Variants in SYNE1 observed in about 807,000 individuals in gnomAD.
SYNE1 encodes the protein spectrin repeat containing nuclear envelope protein 1, also known as nesprin-1.
Under a neutral mutation model 1,111.0 loss-of-function variants are expected in SYNE1, and 616 were observed. The ratio of observed to expected loss-of-function variants is 0.55; its 90% CI spans 0.52 to 0.59. The LOEUF (loss-of-function observed/expected upper bound fraction) is 0.59. Among genes scored for constraint, SYNE1 ranks in the 20% least tolerant of loss-of-function variants. The pLI is 0.00. For missense variants in SYNE1, 10,006 were observed against 10,417.0 expected, an observed-to-expected ratio of 0.96 and a Z score of 1.72; for synonymous variants, 3,855 against 3,825.8, an observed-to-expected ratio of 1.01 and a Z score of -0.28.
chr6:152,331,014 T>C lies in SYNE1; in HGVS notation c.13671A>G (p.Leu4557=), dbSNP rs773804589. Residue 4557 remains leucine, a synonymous_variant, in exon 78 of 146, where the codon CTA becomes CTG. Transcript: ENST00000367255. ...GCTTCCTAGAAACCAAATTCTTCTCTAGTTCTTGTAACCGGTGACTGCACT... is the reference window on the plus strand; with the variant it reads ...GCTTCCTAGAAACCAAATTCTTCTCCAGTTCTTGTAACCGGTGACTGCACT... ...LQKCSHRLQE[L]EKNLVSRKHF... 6.8e-6 allele frequency: 11 copies of C among 1,614,064 alleles called. No homozygotes were observed. The highest frequency in any genetic ancestry group is 4.0e-5 in the African/African-American group (3 of 74,934).
intron 87 of SYNE1, among the ~76,000 whole-genome samples, chr6:152,311,787 C>G (rs1962703): frequency 6.7e-6 from 1 of 150,284 alleles, no homozygotes. Flanking sequence ...TTATTTATTT[C>G]TTTTTTGAGA....
intron 16 of SYNE1, among the ~76,000 whole-genome samples, chr6:152,467,968 A>G (rs566495123): frequency 1.7e-4 from 26 of 152,306 alleles, no homozygotes; most frequent in African/African-American, 6.3e-4. Context: ...GAAAAATACA[A>G]ATGCATGTTT....
chr6:152,386,528 C>A (rs938629150), intron 54 of SYNE1, among the ~76,000 whole-genome samples: 1 of 152,032 alleles, frequency 6.6e-6, no homozygotes. Flanking sequence ...CCCTTAATTT[C>A]TATAATATTT....
chr6:152,211,579 C>T lies in SYNE1; in HGVS notation c.22504G>A (p.Ala7502Thr), dbSNP rs1242612278. The change falls in exon 124 of 146, where the codon GCC (alanine) becomes ACC (threonine). Residue 7502 changes from alanine (A) to threonine (T), a missense_variant. Physicochemically the swap from Ala to Thr is moderately conservative, Grantham distance 58 (BLOSUM62 0). Coordinates refer to ENST00000367255, the MANE Select transcript of SYNE1 (RefSeq NM_182961.4). ...ATCTGCTGACGACTGAACATCTCGGCTTGAAACAACTATAATTTAAAAAAA... is the reference window on the plus strand; with the variant it reads ...ATCTGCTGACGACTGAACATCTCGGTTTGAAACAACTATAATTTAAAAAAA... Reference protein sequence around the residue: ...EQQRAHELFQAEMFSRQQILH... With the variant: ...EQQRAHELFQTEMFSRQQILH... 1.9e-6 allele frequency: 3 copies of T among 1,613,028 alleles called. No homozygotes were observed. Among genetic ancestry groups the T allele is most frequent in the Non-Finnish European group, 2.5e-6 (3 of 1,179,432 alleles).
chr6:152,449,494 G>A, intron 28 of SYNE1, 39 bp downstream of exon 28: 3 of 1,424,824 alleles, frequency 2.1e-6, no homozygotes, highest in African/African-American at 1.4e-5. Context: ...CTTCCACTAT[G>A]AGAAATTTTC....
At chr6:152,133,581 G>A in intron 142 of SYNE1, 93 bp from the exon 143 acceptor site, 3 of 1,252,570 alleles carry the variant, frequency 2.4e-6, no homozygotes, top group Non-Finnish European at 3.4e-6. Context: ...TAACTTGGTG[G>A]GAAATTATAC....
intron 3 of SYNE1, among the ~76,000 whole-genome samples, chr6:152,621,945 G>A (rs2099676380): frequency 6.6e-6 from 1 of 152,112 alleles, no homozygotes; most frequent in Non-Finnish European, 1.5e-5. Context: ...TTCAAAAAGA[G>A]GGCAGGTAAA....
At chr6:152,188,984 A>AAATATAT (rs1554517206) in intron 128 of SYNE1, among the ~76,000 whole-genome samples, 2 of 23,000 alleles carry the variant, frequency 8.7e-5, no homozygotes, top group Non-Finnish European at 1.6e-4. Context: ...AAAAAAAAAA[A>AAATATAT]ATATATATAT....
Position 152,233,765 on chromosome 6 carries a change from G to A in SYNE1, c.20712+16C>T, listed in dbSNP as rs1165422938. 6.2e-7 allele frequency: 1 copy of A among 1,614,150 alleles called. No homozygotes were observed. The stretch of plus-strand genomic sequence containing the variant: ...CTTAAGTCAGCTATTTCCCACGAAA[G>A]CAATCCTTTCTGTACCTGGTGGAGC... On this transcript the variant is annotated intron_variant, in intron 112 of 145. Coordinates refer to ENST00000367255, the MANE Select transcript of SYNE1 (RefSeq NM_182961.4).
At chr6:152,253,576 T>A (rs980383042) in intron 104 of SYNE1, among the ~76,000 whole-genome samples, 1 of 152,174 alleles carries the variant, frequency 6.6e-6, no homozygotes, top group Non-Finnish European at 1.5e-5. Flanking sequence ...AGACTACATG[T>A]TTAATTTTTA....
intron 137 of SYNE1, chr6:152,145,181 G>A (rs755243240): frequency 1.1e-4 from 44 of 403,652 alleles, no homozygotes; most frequent in Non-Finnish European, 1.5e-4. Flanking sequence ...ACACTAGGGC[G>A]CAGAGGCTGA....
intron 45 of SYNE1, chr6:152,404,932 A>G (rs1232461767): frequency 1.3e-5 from 2 of 152,358 alleles, no homozygotes; most frequent in South Asian, 2.1e-4. Context: ...ATATGAAACC[A>G]CAAAGGGGCA....
At chr6:152,624,403 A>T (rs1158303401) in intron 3 of SYNE1, among the ~76,000 whole-genome samples, 1 of 152,196 alleles carries the variant, frequency 6.6e-6, no homozygotes, top group African/African-American at 2.4e-5. Flanking sequence ...ACTATAAAAA[A>T]TTACAAAAAA....
At chr6:152,403,446 C>T (rs916639812) in intron 46 of SYNE1, among the ~76,000 whole-genome samples, 19 of 152,180 alleles carry the variant, frequency 1.2e-4, no homozygotes, top group African/African-American at 3.6e-4. Context: ...CTAGGCTGGG[C>T]GCAGTGGCTC....
At chr6:152,528,231 C>T (rs373367192) in intron 4 of SYNE1, among the ~76,000 whole-genome samples, 3 of 152,108 alleles carry the variant, frequency 2.0e-5, no homozygotes, top group South Asian at 4.1e-4. Flanking sequence ...TCCAGGTAAG[C>T]GACCTCTCCT....
chr6:152,264,153 G>A (rs2092418165), intron 100 of SYNE1, among the ~76,000 whole-genome samples: 1 of 137,492 alleles, frequency 7.3e-6, no homozygotes, highest in African/African-American at 2.7e-5. Flanking sequence ...ATGTTGTGGT[G>A]AGCTGAGATT....
intron 3 of SYNE1, among the ~76,000 whole-genome samples, chr6:152,595,430 C>G (rs1476262758): frequency 6.6e-6 from 1 of 152,180 alleles, no homozygotes; most frequent in Non-Finnish European, 1.5e-5. Context: ...ATGCCTTCCC[C>G]GCTTTCAAGG....
intron 22 of SYNE1, 66 bp from the exon 23 acceptor site, chr6:152,456,110 G>T: frequency 6.5e-7 from 1 of 1,548,218 alleles, no homozygotes; most frequent in Non-Finnish European, 8.8e-7. Flanking sequence ...AAGAAAGAGA[G>T]TGACCATTAC....
intron 128 of SYNE1, among the ~76,000 whole-genome samples, chr6:152,187,084 G>C (rs1406713952): frequency 1.3e-5 from 2 of 152,166 alleles, no homozygotes; most frequent in South Asian, 4.1e-4. Context: ...TCCTCATTGT[G>C]TTCACTGAGA....
Sources: gnomAD v4.1 joint callset for allele counts (sites outside exome capture counted in the v4.1 genomes callset) on GRCh38, gnomAD v4.1.1 for gene constraint, MANE v1.5 for transcripts, NCBI Gene and HGNC (gene_info 2026-07-23, HGNC 2026-07-21) for gene names.